The following DAB2IP variants were observed in gnomAD, a reference collection of about 807,000 sequenced individuals.
DAB2IP encodes DAB2 interacting protein, also known as disabled homolog 2-interacting protein.
Under a neutral mutation model 107.2 loss-of-function variants are expected in DAB2IP, and 28 were observed. The observed-to-expected ratio is 0.26, with a 90% confidence interval of 0.19 to 0.36. DAB2IP has a LOEUF of 0.36. DAB2IP is among the 10% of genes least tolerant of loss of function. The pLI is 1.00. For missense variants in DAB2IP, 1,400 were observed against 1,644.7 expected, an observed-to-expected ratio of 0.85 and a Z score of 2.57; for synonymous variants, 755 against 706.4, an observed-to-expected ratio of 1.07 and a Z score of -1.09.
intron 1 of DAB2IP, among the ~76,000 whole-genome samples, chr9:121,642,033 T>TCTC (rs1391697683): frequency 0.013 from 155 of 11,794 alleles, no homozygotes; most frequent in Non-Finnish European, 0.019. Flanking sequence ...CTCTCTCTCT[T>TCTC]TCTTTCTTTC....
At chr9:121,659,539 A>G (rs1833110684) in intron 1 of DAB2IP, among the ~76,000 whole-genome samples, 1 of 152,308 alleles carries the variant, frequency 6.6e-6, no homozygotes, top group African/African-American at 2.4e-5. Context: ...GCTGATCTAG[A>G]AAGAAAACGT....
intron 3 of DAB2IP, among the ~76,000 whole-genome samples, chr9:121,748,850 G>A (rs973565210): frequency 3.3e-5 from 5 of 152,188 alleles, no homozygotes; most frequent in African/African-American, 1.2e-4. Flanking sequence ...TGATGTGGGG[G>A]GAAGCACAGG....
At chr9:121,587,270 T>C (rs1032650588) in intron 1 of DAB2IP, among the ~76,000 whole-genome samples, 1 of 151,548 alleles carries the variant, frequency 6.6e-6, no homozygotes. Flanking sequence ...GGAAACAGCT[T>C]GAGGAAAAAA....
upstream of DAB2IP, among the ~76,000 whole-genome samples, chr9:121,650,297 G>C (rs999183492): frequency 3.3e-5 from 5 of 152,154 alleles, no homozygotes; most frequent in African/African-American, 1.2e-4. Flanking sequence ...CTCCCCCCTG[G>C]TCAGGGAAGG....
chr9:121,687,871 G>A (rs1010026655), intron 2 of DAB2IP, among the ~76,000 whole-genome samples: 10 of 152,198 alleles, frequency 6.6e-5, no homozygotes, highest in African/African-American at 2.2e-4. Context: ...TTGCTAGTCA[G>A]TGCTGTTTTT....
chr9:121,699,406 C>A lies in DAB2IP; in HGVS notation c.310C>A (p.His104Asn). 6.8e-7 allele frequency: 1 copy of A among 1,475,474 alleles called. No homozygotes were observed. The highest frequency in any genetic ancestry group is 9.1e-7 in the Non-Finnish European group (1 of 1,103,930). The allele number at this position is 1,475,474 out of a possible 1,614,324, so 91.4% of individuals were successfully genotyped here. ...GCTGGACCGCAACCACAGCTTCCGC[C>A]ACATCCTGCCGGGGTTCCGGAGCGC... The change falls in exon 3 of 16, where the codon CAC (histidine) becomes AAC (asparagine). Residue 104 changes from histidine (H) to asparagine (N), a missense_variant. His to Asn is a moderately conservative substitution (Grantham distance 68). Transcript: ENST00000408936. The surrounding 1 kb of genome is among the most constrained non-coding windows in gnomAD (Gnocchi z 6.2).
Position 121,782,227 on chromosome 9 carries a change from C to A in DAB2IP, c.3403-104C>A. On this transcript the variant is annotated intron_variant, in intron 15 of 15. Coordinates refer to ENST00000408936, the Ensembl canonical transcript of DAB2IP. The surrounding 1 kb of genome is among the most constrained non-coding windows in gnomAD (Gnocchi z 6.1). ...TGCTCACAGCCCGGAGCCTGCCTGCCACCCTCATCTCCAGGCCACCCCCTT... is the reference window on the plus strand; with the variant it reads ...TGCTCACAGCCCGGAGCCTGCCTGCAACCCTCATCTCCAGGCCACCCCCTT... The A allele has an allele frequency of 6.6e-7, 1 of 1,512,326 alleles. No individual in the cohort carries two copies. The highest frequency in any genetic ancestry group is 1.4e-5 in the African/African-American group (1 of 72,266). The allele number at this position is 1,512,326 out of a possible 1,614,324, so 93.7% of individuals were successfully genotyped here. A position where few individuals can be genotyped will look rare whatever the true frequency, so the allele number is the denominator to read the frequency against.
intron 3 of DAB2IP, among the ~76,000 whole-genome samples, chr9:121,731,010 TA>T (rs772445288): frequency 1.1e-3 from 174 of 152,316 alleles, no homozygotes; most frequent in African/African-American, 4.0e-3. Context: ...TCTCTCCAGA[TA>T]CCTTTCCTGA....
At position 121,760,028 on chromosome 9, in the gene DAB2IP, T is replaced by C. The variant is rs1444965763; in HGVS notation, c.759T>C (p.Asn253=). ...CCACGGGCAAGCTCAAGACGGACAA[T>C]GTTTTCTGGGGCGAGCACTTCGAGT... is the stretch of plus-strand genomic sequence containing the variant. The change falls in exon 6 of 16, where the codon AAT becomes AAC. Residue 253 remains asparagine (N), a synonymous_variant. Transcript: ENST00000408936. This position sits in a 1 kb window ranked among gnomAD's most constrained non-coding sequence, Gnocchi z 5.9. 2 of 1,613,904 alleles carry C rather than the reference T, an allele frequency of 1.2e-6. No homozygotes were observed. The highest frequency in any genetic ancestry group is 2.2e-5 in the East Asian group (1 of 44,848).
chr9:121,642,744 C>T lies in DAB2IP; in HGVS notation c.41-35934C>T, dbSNP rs553750602. On this transcript the variant is annotated intron_variant, in intron 1 of 16. Coordinates refer to the DAB2IP transcript ENST00000259371. Reference sequence around the variant, plus strand: ...GGCTGTGAACTGGACTCACAAGGTTCCTGTCCTCATTAAAGTCTGGGGAAA... The same window carrying T: ...GGCTGTGAACTGGACTCACAAGGTTTCTGTCCTCATTAAAGTCTGGGGAAA... Among the ~76,000 whole-genome samples, 6 of 152,158 alleles carry T rather than the reference C, an allele frequency of 3.9e-5. No homozygotes were observed. The East Asian group carries it at 5.8e-4, about 15-fold the overall frequency.
chr9:121,744,808 G>C (rs1053859181), intron 3 of DAB2IP, among the ~76,000 whole-genome samples: 1 of 152,192 alleles, frequency 6.6e-6, no homozygotes, highest in African/African-American at 2.4e-5. Flanking sequence ...GTGCATAGGC[G>C]CAAACCCTGG....
intron 2 of DAB2IP, among the ~76,000 whole-genome samples, chr9:121,694,266 C>G (rs537361996): frequency 6.6e-6 from 1 of 152,164 alleles, no homozygotes; most frequent in Non-Finnish European, 1.5e-5. Flanking sequence ...AGTCCCAGCT[C>G]TGCCACTTTC....
rs114541301 is a variant in DAB2IP, at chr9:121,577,827, G to A, written c.40+10599G>A. Among the ~76,000 whole-genome samples the A allele has an allele frequency of 8.7e-3, 1,318 of 152,302 alleles. 19 individuals carry two copies. Among genetic ancestry groups the A allele is most frequent in the African/African-American group, 0.028 (1,145 of 41,572 alleles). ...GCCCGAGGCAGCCAGATGGCAACCA[G>A]AGGTCAGTAGGGTGGGTGGCTCAGC... On this transcript the variant is annotated intron_variant, in intron 1 of 16. Coordinates refer to the DAB2IP transcript ENST00000259371.
At chr9:121,625,876 C>A (rs894464694) in intron 1 of DAB2IP, among the ~76,000 whole-genome samples, 1 of 152,134 alleles carries the variant, frequency 6.6e-6, no homozygotes, top group East Asian at 1.9e-4. Flanking sequence ...GATCTTCCGG[C>A]CATCGTGGGC....
At chr9:121,777,321 A>T (rs1835275796) in intron 14 of DAB2IP, among the ~76,000 whole-genome samples, 1 of 152,116 alleles carries the variant, frequency 6.6e-6, no homozygotes, top group African/African-American at 2.4e-5. Flanking sequence ...TATTTAGACC[A>T]CCTGTTTCTC....
intron 1 of DAB2IP, among the ~76,000 whole-genome samples, chr9:121,636,238 T>G (rs1267434944): frequency 6.6e-6 from 1 of 152,140 alleles, no homozygotes; most frequent in African/African-American, 2.4e-5. Context: ...GAACCAGGGC[T>G]GCACTGCAGA....
intron 1 of DAB2IP, among the ~76,000 whole-genome samples, chr9:121,586,618 G>A (rs1015462426): frequency 9.9e-5 from 15 of 152,032 alleles, no homozygotes; most frequent in Non-Finnish European, 1.8e-4. Flanking sequence ...AGGAGTTCGA[G>A]ACCAGCTTGG....
chr9:121,680,895 ACCACCC>A (rs1300801677), intron 2 of DAB2IP, among the ~76,000 whole-genome samples: 1 of 151,718 alleles, frequency 6.6e-6, no homozygotes, highest in Non-Finnish European at 1.5e-5. Flanking sequence ...GGAGCCTGCC[ACCACCC>A]CCAGCTATTT....
At chr9:121,617,808 C>T (rs1831330705) in intron 1 of DAB2IP, among the ~76,000 whole-genome samples, 1 of 152,198 alleles carries the variant, frequency 6.6e-6, no homozygotes, top group South Asian at 2.1e-4. Flanking sequence ...TTCCTGTGAG[C>T]CTGAATGGGG....
Sources: allele counts gnomAD v4.1 joint callset (sites outside exome capture counted in the v4.1 genomes callset), GRCh38; gene constraint gnomAD v4.1.1; non-coding constraint Gnocchi (gnomAD v3.1); transcripts MANE v1.5; gene names NCBI Gene and HGNC (gene_info 2026-07-23, HGNC 2026-07-21).